RIMBP2: variants seen among roughly 807,000 people sequenced by gnomAD.
RIMBP2 encodes RIMS binding protein 2.
In RIMBP2, 48 loss-of-function variants were observed where a neutral mutation model predicts 118.6. The observed-to-expected ratio is 0.40, with a 90% CI of 0.32 to 0.51. The LOEUF is 0.51. Ranked by LOEUF, RIMBP2 falls within the 20% of genes least tolerant of loss-of-function variation. The probability of loss-of-function intolerance (pLI) is 0.41; values close to 1 mark genes in which losing one functional copy is unlikely to be tolerated. For missense variants in RIMBP2, 1,551 were observed against 1,768.3 expected (o/e 0.88, Z 2.20); for synonymous variants, 762 against 742.9 (o/e 1.03, Z -0.42).
At chr12:130,486,079 C>A (rs1467328744) in intron 4 of RIMBP2, among the ~76,000 whole-genome samples, 2 of 152,090 alleles carry the variant, frequency 1.3e-5, no homozygotes, top group African/African-American at 4.8e-5. Context: ...CCCCCTCCAG[C>A]CACTGCCCAT....
chr12:130,570,235 G>A (rs759697650), intron 2 of RIMBP2, among the ~76,000 whole-genome samples: 4 of 151,974 alleles, frequency 2.6e-5, no homozygotes, highest in Non-Finnish European at 4.4e-5. Context: ...ATGAGCCTGC[G>A]CAACATGGTA....
chr12:130,671,040 G>T (rs1304851269), intron 1 of RIMBP2, among the ~76,000 whole-genome samples: 1 of 152,148 alleles, frequency 6.6e-6, no homozygotes, highest in African/African-American at 2.4e-5. Flanking sequence ...GATGACAGAC[G>T]TGAGCCACCA....
intron 2 of RIMBP2, among the ~76,000 whole-genome samples, chr12:130,562,443 C>G (rs1172480202): frequency 6.6e-6 from 1 of 152,230 alleles, no homozygotes; most frequent in African/African-American, 2.4e-5. Context: ...CTACTCTTTT[C>G]TGTATATCAA....
chr12:130,619,117 G>C (rs1245382347), intron 2 of RIMBP2, among the ~76,000 whole-genome samples: 3 of 152,180 alleles, frequency 2.0e-5, no homozygotes, highest in African/African-American at 4.8e-5. Flanking sequence ...CATTATGTTA[G>C]TGTTAATTAA....
At chr12:130,645,150 C>G (rs562200228) in intron 1 of RIMBP2, among the ~76,000 whole-genome samples, 1 of 150,562 alleles carries the variant, frequency 6.6e-6, no homozygotes, top group Non-Finnish European at 1.5e-5. Context: ...AGTGCAGTGG[C>G]GCAATCTTGG....
At chr12:130,575,300 A>C (rs1223859689) in intron 2 of RIMBP2, among the ~76,000 whole-genome samples, 1 of 149,766 alleles carries the variant, frequency 6.7e-6, no homozygotes, top group African/African-American at 2.5e-5. Flanking sequence ...AGTGAACAGA[A>C]GTTCCCACCA....
intron 2 of RIMBP2, among the ~76,000 whole-genome samples, chr12:130,612,737 G>A (rs533769409): frequency 8.5e-4 from 129 of 152,260 alleles, no homozygotes; most frequent in Non-Finnish European, 1.4e-3. Context: ...TAACCAAACC[G>A]TGTGGACATC....
Position 130,424,589 on chromosome 12 carries a change from G to T in RIMBP2, c.2682C>A (p.Val894=). The T allele has an allele frequency of 2.4e-6, 3 of 1,231,968 alleles. No individual in the cohort carries two copies. The highest frequency in any genetic ancestry group is 3.0e-6 in the Non-Finnish European group (3 of 987,850). 76.3% of individuals were successfully genotyped at this position (1,231,968 alleles called of 1,614,324 possible). Reference sequence around the variant, plus strand: ...CCAGAAGGAAGTCCTCCACGTGGGGGACGGCCCCCGAGCCCCTGTGCTTCA... The same window carrying T: ...CCAGAAGGAAGTCCTCCACGTGGGGTACGGCCCCCGAGCCCCTGTGCTTCA... ...FPVKHRGSGA[V]PHVEDFLLED... is the part of the protein sequence containing the mutation. Residue 894 remains valine (V), a synonymous_variant, in exon 16 of 23, where the codon GTC becomes GTA. Coordinates refer to ENST00000690449, the MANE Select transcript of RIMBP2 (RefSeq NM_001393629.1). The surrounding 1 kb of genome is among the most constrained non-coding windows in gnomAD (Gnocchi z 9.8).
intron 1 of RIMBP2, chr12:130,633,958 T>G (rs1221146269): frequency 6.6e-6 from 1 of 152,264 alleles, no homozygotes; most frequent in Non-Finnish European, 1.5e-5. Flanking sequence ...ATTCATGGGC[T>G]GCCCAAGCCG....
At chr12:130,654,310 T>C (rs924811720) in intron 1 of RIMBP2, among the ~76,000 whole-genome samples, 8 of 152,354 alleles carry the variant, frequency 5.3e-5, no homozygotes, top group Non-Finnish European at 1.2e-4. Flanking sequence ...TTCCACCAGA[T>C]ACCCTAGGTT....
chr12:130,589,382 G>C (rs183529427), intron 2 of RIMBP2, among the ~76,000 whole-genome samples: 207 of 152,280 alleles, frequency 1.4e-3, no homozygotes, highest in African/African-American at 4.7e-3. Context: ...AAAGAAAATA[G>C]CTCTTGGTGA....
chr12:130,694,762 AG>A (rs1479004520), intron 1 of RIMBP2, among the ~76,000 whole-genome samples: 6 of 152,228 alleles, frequency 3.9e-5, no homozygotes, highest in African/African-American at 1.4e-4. Context: ...CAAAGATGAT[AG>A]GGTGGGCTGG....
intron 4 of RIMBP2, among the ~76,000 whole-genome samples, chr12:130,480,217 ACACACACAC>A (rs1217105011): frequency 6.6e-6 from 1 of 151,828 alleles, no homozygotes; most frequent in African/African-American, 2.4e-5. Context: ...ACACACACAC[ACACACACAC>A]ACACACACAC....
At chr12:130,488,787 C>G (rs1376096549) in intron 4 of RIMBP2, among the ~76,000 whole-genome samples, 1 of 152,154 alleles carries the variant, frequency 6.6e-6, no homozygotes, top group East Asian at 1.9e-4. Context: ...ACTGGGGACT[C>G]CCCTGGGCTT....
In RIMBP2 at chr12:130,437,199, G is replaced by A; in HGVS notation, c.1749C>T (p.Thr583=). ...SLEAKGVTVR[T]LSAQGESVDS... ...CCACGGACTCGCCCTGGGCGGAGAG[G>A]GTCCGCACGGTCACGCCCTTGGCCT... Residue 583 remains threonine (T), a synonymous_variant, in exon 13 of 23, where the codon ACC becomes ACT. Transcript: ENST00000690449. 6.3e-7 allele frequency: 1 copy of A among 1,584,774 alleles called. No individual in the cohort carries two copies. The highest frequency in any genetic ancestry group is 8.6e-7 in the Non-Finnish European group (1 of 1,168,646).
chr12:130,535,728 C>T (rs7488372), intron 2 of RIMBP2, among the ~76,000 whole-genome samples: 33 of 128,044 alleles, frequency 2.6e-4, no homozygotes, highest in Middle Eastern at 4.1e-3. Context: ...CATATATATA[C>T]ATATATATAC....
Position 130,646,385 on chromosome 12 carries a change from A to G in RIMBP2, c.-351-17929T>C, listed in dbSNP as rs1479865941. On this transcript the variant is annotated intron_variant, in intron 1 of 22. Coordinates refer to ENST00000690449, the MANE Select transcript of RIMBP2 (RefSeq NM_001393629.1). ...CACCTCCCTCACCACCTCCCTCACC[A>G]CCTCCCTCACCACCTGCCTCTCCAC... is the stretch of plus-strand genomic sequence containing the variant. Among the ~76,000 whole-genome samples, 111 of 131,386 alleles carry G rather than the reference A, an allele frequency of 8.4e-4. 34 individuals carry two copies. The highest frequency in any genetic ancestry group is 2.0e-3 in the Admixed American group (26 of 13,026). The allele number at this position is 131,386 out of a possible 152,430, so 86.2% of individuals were successfully genotyped here.
At position 130,436,163 on chromosome 12, in the gene RIMBP2, G is replaced by T. The variant is rs539960328; in HGVS notation, c.2106+679C>A. Among the ~76,000 whole-genome samples the T allele has an allele frequency of 2.6e-5, 4 of 152,314 alleles. No individual in the cohort carries two copies. In the South Asian group the frequency reaches 8.3e-4, roughly 32 times the overall value. On this transcript the variant is annotated intron_variant, in intron 13 of 22. Coordinates refer to ENST00000690449, the MANE Select transcript of RIMBP2 (RefSeq NM_001393629.1). ...ACATCTCTTCCCCTAGCCCTGCACG[G>T]GGGGCATTGCTCTGCAGGTGATTTC...
intron 4 of RIMBP2, among the ~76,000 whole-genome samples, chr12:130,488,004 T>C (rs10744461): frequency 0.96 from 145,566 of 152,244 alleles, 69,941 homozygotes; most frequent in East Asian, 1. Context: ...AATGGCTCCA[T>C]TTCCGTGTGT....
Sources: allele counts gnomAD v4.1 joint callset (sites outside exome capture counted in the v4.1 genomes callset), GRCh38; gene constraint gnomAD v4.1.1; non-coding constraint Gnocchi (gnomAD v3.1); transcripts MANE v1.5; gene names NCBI Gene and HGNC (gene_info 2026-07-23, HGNC 2026-07-21).